Variants in PHF14 observed in about 807,000 individuals in gnomAD.
PHF14 encodes PHD finger protein 14.
Under a neutral mutation model 117.9 loss-of-function variants are expected in PHF14, and 55 were observed. The observed-to-expected ratio is 0.47, with a 90% CI of 0.38 to 0.58. PHF14 has a LOEUF of 0.58. Among genes scored for constraint, PHF14 ranks in the 20% least tolerant of loss-of-function variants. PHF14 has a pLI of 0.00. For missense variants in PHF14, 978 were observed against 1,122.2 expected (o/e 0.87, Z 1.84); for synonymous variants, 409 against 368.6 (o/e 1.11, Z -1.26).
rs1397083685 is a variant in PHF14 at position 10,974,162 on chromosome 7, G to A, written c.-162G>A. 3.1e-6 allele frequency: 2 copies of A among 643,832 alleles called. No individual in the cohort carries two copies. Among genetic ancestry groups the A allele is most frequent in the Non-Finnish European group, 5.6e-6 (2 of 359,774 alleles). 39.9% of individuals were successfully genotyped at this position (643,832 alleles called of 1,614,324 possible). A position where few individuals can be genotyped will look rare whatever the true frequency, so the allele number is the denominator to read the frequency against. On this transcript the variant is annotated 5_prime_UTR_variant, in exon 1 of 18. Coordinates refer to ENST00000634607, the MANE Select transcript of PHF14 (RefSeq NM_001007157.2). ...GGGGGGCGGGGGGTTAGGGGACCGC[G>A]GGGCTACTCTTGGGAGCGCCCCTGT... is the stretch of plus-strand genomic sequence containing the variant.
intron 7 of PHF14, among the ~76,000 whole-genome samples, chr7:11,032,588 G>C (rs764959625): frequency 9.9e-5 from 15 of 152,110 alleles, no homozygotes; most frequent in Admixed American, 3.3e-4. Context: ...GATTTTGTTT[G>C]TTAGGAGTAG....
chr7:11,037,138 A>T (rs200885524), intron 10 of PHF14, 47 bp downstream of exon 10: 3 of 1,418,366 alleles, frequency 2.1e-6, no homozygotes, highest in Non-Finnish European at 2.8e-6. Context: ...GATCTTACTG[A>T]TGATTTCTTT....
chr7:11,167,313 G>A (rs190008339), intron 17 of PHF14, among the ~76,000 whole-genome samples: 1 of 152,070 alleles, frequency 6.6e-6, no homozygotes, highest in Admixed American at 6.5e-5. Flanking sequence ...GGCTCATGTT[G>A]CTTCAAACAT....
chr7:10,982,790 C>A lies in PHF14; in HGVS notation c.531C>A (p.Val177=). Residue 177 remains valine (V), a synonymous_variant, in exon 3 of 18, where the codon GTC becomes GTA. Coordinates refer to ENST00000634607, the MANE Select transcript of PHF14 (RefSeq NM_001007157.2). ...CGACAACCGCTACAGAGGAACAAGT[C>A]AGCGAGCCAAAAAAATGGAACCTTC... is the stretch of plus-strand genomic sequence containing the variant. ...PTTTTATEEQ[V]SEPKKWNLRR... is the part of the protein sequence containing the mutation. 6.2e-7 allele frequency: 1 copy of A among 1,613,864 alleles called. No homozygotes were observed. The highest frequency in any genetic ancestry group is 1.1e-5 in the South Asian group (1 of 91,064).
intron 17 of PHF14, among the ~76,000 whole-genome samples, chr7:11,121,196 C>A (rs1355197545): frequency 1.3e-5 from 2 of 152,074 alleles, no homozygotes; most frequent in Non-Finnish European, 2.9e-5. Flanking sequence ...CATGTGGGAT[C>A]TTTTAAGGAT....
At chr7:11,062,724 G>T (rs1268925765) in intron 16 of PHF14, 2 of 984,900 alleles carry the variant, frequency 2.0e-6, no homozygotes, top group African/African-American at 3.5e-5. Flanking sequence ...TTTTCCCAAC[G>T]GTCCAGAGGC....
In PHF14 at chr7:11,035,638, A is replaced by C. The variant is rs757049948; in HGVS notation, c.1456-2A>C. On this transcript the variant is annotated splice_acceptor_variant, in intron 7 of 17. Coordinates refer to ENST00000634607, the MANE Select transcript of PHF14 (RefSeq NM_001007157.2). LOFTEE classifies it high-confidence loss of function. The stretch of plus-strand genomic sequence containing the variant: ...CTATTTTTCTGTGCTTTCTTTGTAT[A>C]GGATATAGCAGATCCATTCTTTGCT... 6.3e-7 allele frequency: 1 copy of C among 1,580,842 alleles called. No individual in the cohort carries two copies. The highest frequency in any genetic ancestry group is 8.6e-7 in the Non-Finnish European group (1 of 1,161,006).
chr7:11,038,638 C>T (rs1387616441), intron 10 of PHF14, 122 bp from the exon 11 acceptor site: 3 of 262,268 alleles, frequency 1.1e-5, no homozygotes, highest in African/African-American at 4.7e-5. Context: ...AGCCTGGTGA[C>T]AGAGTGAGAC....
intron 16 of PHF14, among the ~76,000 whole-genome samples, chr7:11,076,658 C>G (rs1785864780): frequency 6.7e-6 from 1 of 149,494 alleles, no homozygotes; most frequent in African/African-American, 2.5e-5. Context: ...ACCTCTACCT[C>G]CGGGGTTCAA....
At chr7:11,098,976 A>G (rs1786982495) in intron 16 of PHF14, among the ~76,000 whole-genome samples, 1 of 152,162 alleles carries the variant, frequency 6.6e-6, no homozygotes, top group African/African-American at 2.4e-5. Context: ...AAATTAAGTA[A>G]ATTTTGTGCT....
chr7:11,094,020 A>G (rs1358381841), intron 16 of PHF14, among the ~76,000 whole-genome samples: 2 of 152,026 alleles, frequency 1.3e-5, no homozygotes, highest in Non-Finnish European at 2.9e-5. Context: ...TCTTTTAATG[A>G]CATTATGGCT....
At position 10,974,236 on chromosome 7, in the gene PHF14, C is replaced by A. The variant is rs1583317809; in HGVS notation, c.-88C>A. 1.7e-6 allele frequency: 2 copies of A among 1,153,578 alleles called. No homozygotes were observed. The highest frequency in any genetic ancestry group is 5.1e-5 in the East Asian group (2 of 39,268). The allele number at this position is 1,153,578 out of a possible 1,614,324, so 71.5% of individuals were successfully genotyped here. On this transcript the variant is annotated 5_prime_UTR_variant, in exon 1 of 18. Transcript: ENST00000634607. ...AAATAGCATCTTTCGGACTTGTCTT[C>A]GCGGCCCCAGTCCCCGACCTCGGCG...
chr7:11,162,719 G>A (rs910766424), intron 17 of PHF14, among the ~76,000 whole-genome samples: 1 of 69,618 alleles, frequency 1.4e-5, no homozygotes, highest in Non-Finnish European at 2.9e-5. Context: ...TTTTTTTTTT[G>A]ATATGGAGTT....
At chr7:10,974,651 G>A (rs1251227072) in intron 1 of PHF14, among the ~76,000 whole-genome samples, 184 bp from the exon 2 acceptor site, 2 of 152,164 alleles carry the variant, frequency 1.3e-5, no homozygotes, top group Admixed American at 1.3e-4. Flanking sequence ...GAAACTGCCC[G>A]TGGAGCTGTC....
intron 6 of PHF14, 75 bp from the exon 7 acceptor site, chr7:11,028,606 A>T: frequency 7.7e-7 from 1 of 1,301,794 alleles, no homozygotes; most frequent in Non-Finnish European, 1.1e-6. Context: ...TATTTAGTGG[A>T]CACTTTGTAT....
chr7:11,129,853 G>C (rs912274057), intron 17 of PHF14, among the ~76,000 whole-genome samples: 1 of 151,868 alleles, frequency 6.6e-6, no homozygotes, highest in Non-Finnish European at 1.5e-5. Flanking sequence ...AAGAAGTATA[G>C]GTAAGGTACA....
chr7:11,035,412 C>T (rs932178964), intron 7 of PHF14, among the ~76,000 whole-genome samples: 2 of 152,170 alleles, frequency 1.3e-5, no homozygotes, highest in East Asian at 3.9e-4. Context: ...TTTAAACCTG[C>T]AGGCCCTTTA....
At chr7:11,042,407 A>T (rs1784530620) in intron 12 of PHF14, among the ~76,000 whole-genome samples, 1 of 151,928 alleles carries the variant, frequency 6.6e-6, no homozygotes, top group African/African-American at 2.4e-5. Flanking sequence ...GTTGAGGATA[A>T]ATACCTTATA....
intron 16 of PHF14, among the ~76,000 whole-genome samples, chr7:11,100,783 T>C (rs998422842): frequency 1.2e-4 from 18 of 151,972 alleles, no homozygotes; most frequent in African/African-American, 4.3e-4. Flanking sequence ...GGTGGAATTA[T>C]AATTTGAGTC....
Sources: allele counts gnomAD v4.1 joint callset (sites outside exome capture counted in the v4.1 genomes callset), GRCh38; gene constraint gnomAD v4.1.1; transcripts MANE v1.5; gene names NCBI Gene and HGNC (gene_info 2026-07-23, HGNC 2026-07-21).